SLC4A4: variants seen among roughly 807,000 people sequenced by gnomAD.
The protein encoded by SLC4A4 is solute carrier family 4 member 4, also known as electrogenic sodium bicarbonate cotransporter 1.
Under a neutral mutation model 111.5 loss-of-function variants are expected in SLC4A4, and 27 were observed. That is an observed-to-expected ratio of 0.24 (90% CI 0.18 to 0.33). The LOEUF (loss-of-function observed/expected upper bound fraction) is 0.33, where lower values mean the gene tolerates loss of function less well. Among genes scored for constraint, SLC4A4 ranks in the 10% least tolerant of loss-of-function variants. The probability of loss-of-function intolerance (pLI) is 1.00; values close to 1 mark genes in which losing one functional copy is unlikely to be tolerated. For synonymous variants in SLC4A4, 443 were observed against 463.4 expected (o/e 0.96, Z 0.57); for missense variants, 909 against 1,315.5 (o/e 0.69, Z 4.78).
At chr4:71,254,120 T>C (rs896531504) in intron 2 of SLC4A4, among the ~76,000 whole-genome samples, 5 of 152,130 alleles carry the variant, frequency 3.3e-5, no homozygotes, top group Admixed American at 2.0e-4. Flanking sequence ...CATTGCAAAG[T>C]TGTCATCAAG....
chr4:71,506,422 T>G (rs1271804637), intron 16 of SLC4A4, among the ~76,000 whole-genome samples: 1 of 152,158 alleles, frequency 6.6e-6, no homozygotes, highest in East Asian at 1.9e-4. Flanking sequence ...ATTAGCTGTA[T>G]TCCTAGGTAT....
chr4:71,482,991 G>T (rs1392008322), intron 14 of SLC4A4, among the ~76,000 whole-genome samples: 1 of 151,590 alleles, frequency 6.6e-6, no homozygotes, highest in African/African-American at 2.4e-5. Flanking sequence ...CCCATTATAT[G>T]CTCTAGGATG....
Position 71,401,000 on chromosome 4 carries a change from A to G in SLC4A4, c.807+3347A>G, listed in dbSNP as rs191561569. 1.9e-4 allele frequency among the ~76,000 whole-genome samples: 29 copies of G among 152,200 alleles called. No individual in the cohort carries two copies. In the East Asian group the frequency reaches 5.4e-3, roughly 28 times the overall value. ...GTCCAAGTTGGCCCCAAAAACTTCCATTTGACCAGGACTGAAATTTCTGAT... is the reference window on the plus strand; with the variant it reads ...GTCCAAGTTGGCCCCAAAAACTTCCGTTTGACCAGGACTGAAATTTCTGAT... On this transcript the variant is annotated intron_variant, in intron 7 of 25. Coordinates refer to ENST00000264485, the MANE Select transcript of SLC4A4 (RefSeq NM_001098484.3).
intron 6 of SLC4A4, among the ~76,000 whole-genome samples, chr4:71,389,195 CTG>C (rs1399598345): frequency 6.6e-6 from 1 of 152,156 alleles, no homozygotes; most frequent in East Asian, 1.9e-4. Context: ...ATGCAGGTAT[CTG>C]TGATTTGACC....
intron 6 of SLC4A4, among the ~76,000 whole-genome samples, chr4:71,379,579 T>C (rs990225450): frequency 9.2e-5 from 14 of 152,058 alleles, no homozygotes; most frequent in Admixed American, 2.0e-4. Flanking sequence ...CCTTCCCCCA[T>C]TGACTTATCA....
At chr4:71,090,151 T>C (rs1466550756) in intron 1 of SLC4A4, among the ~76,000 whole-genome samples, 2 of 152,032 alleles carry the variant, frequency 1.3e-5, no homozygotes, top group African/African-American at 4.8e-5. Context: ...CAGACTGCTG[T>C]GCTAGCAATG....
intron 16 of SLC4A4, among the ~76,000 whole-genome samples, chr4:71,519,969 C>G (rs534937900): frequency 6.6e-6 from 1 of 152,236 alleles, no homozygotes; most frequent in East Asian, 1.9e-4. Context: ...ATTTTTATCT[C>G]TCATTCGCCA....
intron 7 of SLC4A4, among the ~76,000 whole-genome samples, chr4:71,431,760 G>T (rs1169544260): frequency 1.3e-5 from 2 of 151,998 alleles, no homozygotes; most frequent in African/African-American, 4.8e-5. Context: ...TTGTAGTACT[G>T]GTAAAATGAT....
At chr4:71,121,382 G>A (rs895537652) in intron 2 of SLC4A4, among the ~76,000 whole-genome samples, 1 of 152,340 alleles carries the variant, frequency 6.6e-6, no homozygotes, top group Middle Eastern at 3.4e-3. Context: ...CTGGCGGGCA[G>A]CTCCGCCCGC....
At chr4:71,520,117 G>A (rs2149191030) in intron 16 of SLC4A4, among the ~76,000 whole-genome samples, 1 of 152,210 alleles carries the variant, frequency 6.6e-6, no homozygotes, top group African/African-American at 2.4e-5. Flanking sequence ...ACATAAGACA[G>A]GCTTTTATAG....
At chr4:71,479,243 G>C (rs567164546) in intron 14 of SLC4A4, among the ~76,000 whole-genome samples, 30 of 151,774 alleles carry the variant, frequency 2.0e-4, no homozygotes, top group African/African-American at 6.8e-4. Context: ...TTATCTTCAA[G>C]TAATAGTTGG....
rs564234942 is a variant in SLC4A4 at position 71,266,584 on chromosome 4, G to A, written c.253+11185G>A. 5.9e-5 allele frequency among the ~76,000 whole-genome samples: 9 copies of A among 152,212 alleles called. No homozygotes were observed. In the South Asian group the frequency reaches 1.5e-3, roughly 25 times the overall value. ...TTTACTCTTTTCTCCATGGTTCCCC[G>A]AGAGGAAATAAGCTAATGTAACTGC... On this transcript the variant is annotated intron_variant, in intron 3 of 25. Transcript: ENST00000264485.
intron 3 of SLC4A4, among the ~76,000 whole-genome samples, chr4:71,288,680 T>C (rs959228283): frequency 2.0e-5 from 3 of 152,110 alleles, no homozygotes; most frequent in South Asian, 2.1e-4. Context: ...ATTACAGGCA[T>C]GAACCACTGT....
rs1233003457 is a variant in SLC4A4, at chr4:71,569,838, T to C, written c.*2087T>C. 1 of 151,770 alleles carries C rather than the reference T, an allele frequency of 6.6e-6. No individual in the cohort carries two copies. The highest frequency in any genetic ancestry group is 1.5e-5 in the Non-Finnish European group (1 of 67,816). The allele number at this position is 151,770 out of a possible 1,614,324, so 9.4% of individuals were successfully genotyped here. A position where few individuals can be genotyped will look rare whatever the true frequency, so the allele number is the denominator to read the frequency against. On this transcript the variant is annotated 3_prime_UTR_variant, in exon 26 of 26. Coordinates refer to ENST00000264485, the MANE Select transcript of SLC4A4 (RefSeq NM_001098484.3). ...TGATACTCCTAAAACTTTTAACTTA[T>C]ACAAATTAGTCAATAATGACCCCAA...
intron 1 of SLC4A4, among the ~76,000 whole-genome samples, chr4:71,200,454 G>T (rs146724035): frequency 6.6e-6 from 1 of 152,160 alleles, no homozygotes; most frequent in Non-Finnish European, 1.5e-5. Context: ...TCATCTGTTG[G>T]TATTCATTAT....
intron 6 of SLC4A4, among the ~76,000 whole-genome samples, chr4:71,365,451 T>C (rs188259461): frequency 1.6e-4 from 25 of 152,116 alleles, no homozygotes; most frequent in South Asian, 6.2e-4. Flanking sequence ...GAAAGAGATA[T>C]AGGAGAGGGA....
chr4:71,190,803 A>G (rs1251341504), intron 1 of SLC4A4, among the ~76,000 whole-genome samples: 3 of 152,212 alleles, frequency 2.0e-5, no homozygotes, highest in Non-Finnish European at 4.4e-5. Flanking sequence ...TGCTGTGGCA[A>G]AGGAGAGATA....
At chr4:71,147,268 C>G (rs1744201519) in intron 2 of SLC4A4, among the ~76,000 whole-genome samples, 1 of 152,012 alleles carries the variant, frequency 6.6e-6, no homozygotes, top group Admixed American at 6.6e-5. Context: ...CAAATTTCTC[C>G]TCTTAAATTT....
At chr4:71,126,945 G>T (rs1482003232) in intron 2 of SLC4A4, among the ~76,000 whole-genome samples, 1 of 152,204 alleles carries the variant, frequency 6.6e-6, no homozygotes, top group Non-Finnish European at 1.5e-5. Context: ...CAGTGGGCAG[G>T]AGTATTCCTG....
Sources: allele counts gnomAD v4.1 joint callset (sites outside exome capture counted in the v4.1 genomes callset), GRCh38; gene constraint gnomAD v4.1.1; transcripts MANE v1.5; gene names NCBI Gene and HGNC (gene_info 2026-07-23, HGNC 2026-07-21).